SGCZ: variants seen among roughly 807,000 people sequenced by gnomAD.
SGCZ encodes sarcoglycan zeta, also known as zeta-sarcoglycan.
In SGCZ, 40 loss-of-function variants were observed where a neutral mutation model predicts 41.3. The ratio of observed to expected loss-of-function variants is 0.97; its 90% CI spans 0.75 to 1.26. The LOEUF is 1.26. Among genes scored for constraint, SGCZ ranks in the 50% most tolerant of loss-of-function variants. SGCZ has a pLI of 0.00. For synonymous variants in SGCZ, 206 were observed against 137.5 expected, an observed-to-expected ratio of 1.50 and a Z score of -3.49; for missense variants, 552 against 369.8, an observed-to-expected ratio of 1.49 and a Z score of -4.04.
intron 1 of SGCZ, among the ~76,000 whole-genome samples, chr8:14,555,780 A>AT (rs1031182200): frequency 6.6e-6 from 1 of 152,068 alleles, no homozygotes; most frequent in African/African-American, 2.4e-5. Flanking sequence ...TTCAGTAAAA[A>AT]TATTAGTGTA....
At chr8:15,223,289 G>C (rs1475623781) in intron 1 of SGCZ, among the ~76,000 whole-genome samples, 1 of 152,166 alleles carries the variant, frequency 6.6e-6, no homozygotes, top group Non-Finnish European at 1.5e-5. Flanking sequence ...ATGATAGAAA[G>C]TTTGCAGTAA....
intron 5 of SGCZ, among the ~76,000 whole-genome samples, chr8:14,113,945 G>T (rs931965972): frequency 6.6e-6 from 1 of 151,944 alleles, no homozygotes; most frequent in African/African-American, 2.4e-5. Context: ...CATTTTTCAA[G>T]ATCTGAATCT....
chr8:14,714,843 A>G (rs1236954531), intron 1 of SGCZ, among the ~76,000 whole-genome samples: 1 of 152,180 alleles, frequency 6.6e-6, no homozygotes, highest in Non-Finnish European at 1.5e-5. Flanking sequence ...AGAGTCAGAT[A>G]TTGGAAAACT....
intron 1 of SGCZ, among the ~76,000 whole-genome samples, chr8:14,740,402 C>G (rs1393506045): frequency 6.6e-6 from 1 of 151,924 alleles, no homozygotes; most frequent in South Asian, 2.1e-4. Context: ...TTTTTCCTTT[C>G]CTTTCCTTTT....
At chr8:14,243,581 C>T (rs1798968462) in intron 3 of SGCZ, among the ~76,000 whole-genome samples, 1 of 152,176 alleles carries the variant, frequency 6.6e-6, no homozygotes, top group East Asian at 1.9e-4. Context: ...TGACCCAATT[C>T]TACTTTTCTA....
chr8:14,412,329 C>A (rs569536793), intron 2 of SGCZ, among the ~76,000 whole-genome samples: 1 of 152,150 alleles, frequency 6.6e-6, no homozygotes, highest in African/African-American at 2.4e-5. Flanking sequence ...ATTTAGTAGA[C>A]TGTGACACAT....
chr8:14,112,287 G>GA (rs909570235), intron 5 of SGCZ, among the ~76,000 whole-genome samples: 1 of 140,294 alleles, frequency 7.1e-6, no homozygotes, highest in Admixed American at 7.5e-5. Flanking sequence ...TTTTTGTGGG[G>GA]GGGGGGTGCA....
At chr8:14,644,951 TA>T (rs112347316) in intron 1 of SGCZ, among the ~76,000 whole-genome samples, 3 of 149,636 alleles carry the variant, frequency 2.0e-5, no homozygotes, top group Admixed American at 6.7e-5. Context: ...GTTGCATAAA[TA>T]AAAAAAAAAA....
At chr8:15,179,457 G>A (rs1800098728) in intron 1 of SGCZ, among the ~76,000 whole-genome samples, 2 of 152,148 alleles carry the variant, frequency 1.3e-5, no homozygotes, top group African/African-American at 2.4e-5. Context: ...ACCACTGAAA[G>A]TAGGCATTAA....
At chr8:15,038,971 G>A (rs919460189) in intron 1 of SGCZ, among the ~76,000 whole-genome samples, 1 of 151,982 alleles carries the variant, frequency 6.6e-6, no homozygotes, top group Non-Finnish European at 1.5e-5. Flanking sequence ...TACTAAAAGG[G>A]CAAAAGATAA....
chr8:14,601,151 G>C (rs929753388), intron 1 of SGCZ, among the ~76,000 whole-genome samples: 4 of 151,266 alleles, frequency 2.6e-5, no homozygotes, highest in Admixed American at 6.6e-5. Flanking sequence ...AATATTATTT[G>C]GTAGGTTCAA....
chr8:14,309,169 A>G, intron 3 of SGCZ: 4 of 1,479,034 alleles, frequency 2.7e-6, no homozygotes, highest in East Asian at 2.3e-5. Flanking sequence ...TTAAAAACGA[A>G]AAAAGCAAAA....
At chr8:14,427,826 G>C (rs565705789) in intron 2 of SGCZ, among the ~76,000 whole-genome samples, 1 of 152,110 alleles carries the variant, frequency 6.6e-6, no homozygotes, top group East Asian at 1.9e-4. Context: ...ACTTACTCAT[G>C]GGTTCAGCAG....
intron 1 of SGCZ, among the ~76,000 whole-genome samples, chr8:15,005,328 C>CA: frequency 1.3e-5 from 1 of 78,736 alleles, no homozygotes. Flanking sequence ...TTTTCTTTTT[C>CA]TTTTTTTTTT....
Position 14,953,846 on chromosome 8 carries a change from T to C in SGCZ, c.39+283739A>G, listed in dbSNP as rs28609189. ...TTATGATTACTTCAGAGAGTTCAGT[T>C]CTATAATTCTTGTAAACACTCAAGT... On this transcript the variant is annotated intron_variant, in intron 1 of 7. Coordinates refer to ENST00000382080, the MANE Select transcript of SGCZ (RefSeq NM_139167.4). 9.5e-3 allele frequency among the ~76,000 whole-genome samples: 1,446 copies of C among 152,326 alleles called. 22 individuals are homozygous for C. Among genetic ancestry groups the C allele is most frequent in the African/African-American group, 0.032 (1,336 of 41,578 alleles).
intron 1 of SGCZ, among the ~76,000 whole-genome samples, chr8:14,773,851 G>C (rs76178960): frequency 1.1e-4 from 17 of 152,242 alleles, no homozygotes; most frequent in African/African-American, 4.1e-4. Context: ...AGGCAAGAAG[G>C]GAAGTGGTAG....
intron 1 of SGCZ, among the ~76,000 whole-genome samples, chr8:14,750,481 G>A (rs1799464911): frequency 6.6e-6 from 1 of 152,134 alleles, no homozygotes; most frequent in South Asian, 2.1e-4. Context: ...AGTTTTCTAA[G>A]GAAGGAAGGA....
chr8:14,197,244 A>G (rs555930023), intron 4 of SGCZ, among the ~76,000 whole-genome samples: 2 of 152,270 alleles, frequency 1.3e-5, no homozygotes, highest in East Asian at 3.9e-4. Flanking sequence ...CTAATTCTCA[A>G]CTAAATGTTC....
intron 3 of SGCZ, among the ~76,000 whole-genome samples, chr8:14,276,704 T>C (rs911597934): frequency 1.3e-5 from 2 of 152,170 alleles, no homozygotes; most frequent in African/African-American, 4.8e-5. Flanking sequence ...GCTATTATTC[T>C]AAAAATTCAA....
Sources: allele counts gnomAD v4.1 joint callset (sites outside exome capture counted in the v4.1 genomes callset), GRCh38; gene constraint gnomAD v4.1.1; transcripts MANE v1.5; gene names NCBI Gene and HGNC (gene_info 2026-07-23, HGNC 2026-07-21).